EFCAB5: variants seen among roughly 807,000 people sequenced by gnomAD.
The protein encoded by EFCAB5 is EF-hand calcium-binding domain-containing protein 5.
Under a neutral mutation model 167.9 loss-of-function variants are expected in EFCAB5, and 131 were observed. The ratio of observed to expected loss-of-function variants is 0.78; its 90% confidence interval spans 0.68 to 0.90. EFCAB5 has a LOEUF of 0.90. Among genes scored for constraint, EFCAB5 ranks in the 40% least tolerant of loss-of-function variants. The probability of loss-of-function intolerance (pLI) is 0.00; values close to 1 mark genes in which losing one functional copy is unlikely to be tolerated. For synonymous variants in EFCAB5, 574 were observed against 602.8 expected (o/e 0.95, Z 0.70); for missense variants, 1,663 against 1,745.2 (o/e 0.95, Z 0.84).
In EFCAB5 at chr17:30,073,601, A is replaced by G. The variant is rs1196471007; in HGVS notation, c.2738-4614A>G. The G allele has an allele frequency of 1.9e-5, 13 of 690,650 alleles. No homozygotes were observed. In the Admixed American group the frequency reaches 2.8e-4, roughly 15 times the overall value. The allele number at this position is 690,650 out of a possible 1,614,324, so 42.8% of individuals were successfully genotyped here. On this transcript the variant is annotated intron_variant, in intron 14 of 22. Transcript: ENST00000394835. Reference sequence around the variant, plus strand: ...TACCTCAGCATGCATATCATTCATTAGAGTTCGATATTTGTTAACAGCTTT... The same window carrying G: ...TACCTCAGCATGCATATCATTCATTGGAGTTCGATATTTGTTAACAGCTTT...
intron 2 of EFCAB5, 46 bp from the exon 3 acceptor site, chr17:29,943,519 A>G: frequency 6.8e-7 from 1 of 1,474,930 alleles, no homozygotes; most frequent in Non-Finnish European, 9.2e-7. Context: ...ACTTTGTTGA[A>G]AATCAAGTCA....
chr17:30,035,153 T>C (rs1312341869), intron 8 of EFCAB5, among the ~76,000 whole-genome samples: 1 of 152,198 alleles, frequency 6.6e-6, no homozygotes, highest in Non-Finnish European at 1.5e-5. Context: ...TTTTATAAAA[T>C]CTGAAATGTC....
intron 15 of EFCAB5, 23 bp from the exon 16 acceptor site, chr17:30,080,049 T>C (rs770059516): frequency 2.0e-5 from 31 of 1,585,360 alleles, no homozygotes; most frequent in Non-Finnish European, 2.4e-5. Context: ...GGCAAACACA[T>C]GGTCGGAAAC....
intron 7 of EFCAB5, among the ~76,000 whole-genome samples, chr17:30,000,873 G>A (rs558110091): frequency 4.6e-5 from 7 of 152,258 alleles, no homozygotes; most frequent in Non-Finnish European, 7.4e-5. Context: ...TCTCCCCTGT[G>A]ATCCAGAATC....
rs1274541690 is a variant in EFCAB5, at chr17:29,969,079, G to A, written c.479G>A (p.Trp160Ter). ...KLPRDNLAKE[W>*]FNTDSMTLNN... ...CCTAGGGATAATTTGGCCAAAGAGTGGTTTAATACTGACAGCATGACACTG... is the reference window on the plus strand; with the variant it reads ...CCTAGGGATAATTTGGCCAAAGAGTAGTTTAATACTGACAGCATGACACTG... The change falls in exon 4 of 23, where the codon TGG becomes TAG. Residue 160 changes from tryptophan (W) to a stop codon, truncating the protein, a stop_gained. Transcript: ENST00000394835. LOFTEE classifies it high-confidence loss of function. 2 of 1,613,038 alleles carry A rather than the reference G, an allele frequency of 1.2e-6. No homozygotes were observed. Among genetic ancestry groups the A allele is most frequent in the African/African-American group, 2.7e-5 (2 of 74,860 alleles).
intron 3 of EFCAB5, among the ~76,000 whole-genome samples, chr17:29,951,664 G>T (rs1403126558): frequency 6.6e-6 from 1 of 152,008 alleles, no homozygotes; most frequent in Non-Finnish European, 1.5e-5. Context: ...CAGGATATTG[G>T]TTTTTAAACT....
chr17:29,936,461 T>TA (rs1415607650), intron 1 of EFCAB5, among the ~76,000 whole-genome samples: 2 of 151,968 alleles, frequency 1.3e-5, no homozygotes, highest in African/African-American at 2.4e-5. Context: ...ATAATAATAA[T>TA]AAAAAAAGAA....
intron 5 of EFCAB5, among the ~76,000 whole-genome samples, chr17:29,995,689 T>G (rs1398422701): frequency 6.6e-6 from 1 of 152,226 alleles, no homozygotes; most frequent in African/African-American, 2.4e-5. Flanking sequence ...GAGATGTCTA[T>G]GTGTTGGCTA....
chr17:30,053,888 A>T lies in EFCAB5; in HGVS notation c.1934A>T (p.Glu645Val). Residue 645 changes from glutamate (E) to valine (V), a missense_variant, in exon 10 of 23, where the codon GAA (glutamate) becomes GTA (valine). Transcript: ENST00000394835. The stretch of plus-strand genomic sequence containing the variant: ...GGATCACTCAGAGAGTCAGTAATAG[A>T]AGAACCATACCAAAAATCAGAACAA... ...EQGSLRESVI[E>V]EPYQKSEQGP... 1 of 1,614,036 alleles carries T rather than the reference A, an allele frequency of 6.2e-7. No homozygotes were observed. The highest frequency in any genetic ancestry group is 8.5e-7 in the Non-Finnish European group (1 of 1,179,884).
At chr17:29,931,869 A>G (rs2067200335) in intron 1 of EFCAB5, among the ~76,000 whole-genome samples, 1 of 152,222 alleles carries the variant, frequency 6.6e-6, no homozygotes, top group Non-Finnish European at 1.5e-5. Context: ...GAGGGCAACA[A>G]TGATGTTCTA....
intron 7 of EFCAB5, among the ~76,000 whole-genome samples, chr17:30,003,452 G>A (rs1037297480): frequency 8.6e-5 from 13 of 151,798 alleles, no homozygotes; most frequent in Admixed American, 2.0e-4. Flanking sequence ...AGGCTAGTCT[G>A]AAACTCCTGA....
chr17:29,969,290 A>T lies in EFCAB5; in HGVS notation c.690A>T (p.Gly230=). 1 of 1,613,314 alleles carries T rather than the reference A, an allele frequency of 6.2e-7. No individual in the cohort carries two copies. The highest frequency in any genetic ancestry group is 8.5e-7 in the Non-Finnish European group (1 of 1,179,680). The change falls in exon 4 of 23, where the codon GGA becomes GGT. Residue 230 remains glycine (G), a synonymous_variant. Coordinates refer to ENST00000394835, the MANE Select transcript of EFCAB5 (RefSeq NM_198529.4). ...RNNPNYIKDP[G]MSGYQRLMKE... ...ATCCTAATTATATCAAAGACCCAGG[A>T]ATGTCTGGTTACCAGAGGTTGATGA...
intron 22 of EFCAB5, among the ~76,000 whole-genome samples, chr17:30,101,764 G>A (rs192132458): frequency 6.6e-6 from 1 of 152,242 alleles, no homozygotes; most frequent in Non-Finnish European, 1.5e-5. Context: ...GTTTTGTTTT[G>A]TTTCTCAGAT....
chr17:30,049,798 G>A (rs1038702791), intron 8 of EFCAB5, among the ~76,000 whole-genome samples: 8 of 152,152 alleles, frequency 5.3e-5, no homozygotes, highest in Non-Finnish European at 1.2e-4. Flanking sequence ...ATTTTGTGAA[G>A]CAATTTGGCT....
chr17:29,989,871 AAAATGAT>A (rs2068374587), intron 4 of EFCAB5, among the ~76,000 whole-genome samples: 1 of 152,196 alleles, frequency 6.6e-6, no homozygotes, highest in African/African-American at 2.4e-5. Flanking sequence ...GCTGCCATAA[AAAATGAT>A]ATCCTAAACC....
intron 20 of EFCAB5, among the ~76,000 whole-genome samples, chr17:30,091,352 T>C (rs2071192329): frequency 6.6e-6 from 1 of 152,178 alleles, no homozygotes; most frequent in Non-Finnish European, 1.5e-5. Flanking sequence ...ATGAAGTGAA[T>C]AGAATTAGCA....
In EFCAB5 at chr17:30,078,498, C is replaced by A; in HGVS notation, c.3021C>A (p.Leu1007=). Residue 1007 remains leucine (L), a synonymous_variant, in exon 15 of 23, where the codon CTC becomes CTA. Coordinates refer to ENST00000394835, the MANE Select transcript of EFCAB5 (RefSeq NM_198529.4). ...TGTATAGTGAGACCTTTAAGGCCCT[C>A]ATGCAGGTACGTTTCCTAAAGCAGT... ...EPVYSETFKA[L]MQDAEAHGNK... 1 of 1,583,082 alleles carries A rather than the reference C, an allele frequency of 6.3e-7. No homozygotes were observed. Among genetic ancestry groups the A allele is most frequent in the South Asian group, 1.1e-5 (1 of 87,132 alleles).
chr17:29,997,461 A>ATG (rs1270125153), intron 6 of EFCAB5, among the ~76,000 whole-genome samples: 7 of 151,902 alleles, frequency 4.6e-5, no homozygotes, highest in Admixed American at 6.6e-5. Context: ...ATATATATAT[A>ATG]TAGAATTCCC....
chr17:30,100,267 A>G (rs1026124111), intron 22 of EFCAB5, among the ~76,000 whole-genome samples: 3 of 152,214 alleles, frequency 2.0e-5, no homozygotes, highest in Non-Finnish European at 4.4e-5. Flanking sequence ...AGTGAATGAC[A>G]TAGAACAAGA....
Sources: allele counts gnomAD v4.1 joint callset (sites outside exome capture counted in the v4.1 genomes callset), GRCh38; gene constraint gnomAD v4.1.1; transcripts MANE v1.5; gene names NCBI Gene and HGNC (gene_info 2026-07-23, HGNC 2026-07-21).